Variants in NCBP3 observed in about 807,000 individuals in gnomAD.
NCBP3 encodes the protein nuclear cap-binding protein subunit 3.
Under a neutral mutation model 75.7 loss-of-function variants are expected in NCBP3, and 20 were observed. The ratio of observed to expected loss-of-function variants is 0.26; its 90% CI spans 0.19 to 0.38. NCBP3 has a LOEUF of 0.38. Ranked by LOEUF, NCBP3 falls within the 10% of genes least tolerant of loss-of-function variation. The probability of loss-of-function intolerance (pLI) is 1.00; values close to 1 mark genes in which losing one functional copy is unlikely to be tolerated. For missense variants in NCBP3, 678 were observed against 796.9 expected (o/e 0.85, Z 1.80); for synonymous variants, 293 against 290.5 (o/e 1.01, Z -0.09).
chr17:3,834,086 G>T (rs749843441), intron 3 of NCBP3, among the ~76,000 whole-genome samples: 3 of 152,134 alleles, frequency 2.0e-5, no homozygotes, highest in Non-Finnish European at 2.9e-5. Context: ...CACTAATAAG[G>T]ATTTCCTGGG....
At chr17:3,836,868 T>C (rs1339870142) in intron 3 of NCBP3, among the ~76,000 whole-genome samples, 4 of 151,924 alleles carry the variant, frequency 2.6e-5, no homozygotes, top group Admixed American at 2.6e-4. Flanking sequence ...CCTGAAAAGA[T>C]GGCCTGGCGC....
intron 7 of NCBP3, chr17:3,822,502 T>C (rs1023656817): frequency 6.5e-6 from 1 of 153,882 alleles, no homozygotes; most frequent in African/African-American, 2.4e-5. Flanking sequence ...TAATTCCATA[T>C]ATTTGGTAAA....
At chr17:3,840,592 T>C (rs2054046945) in intron 2 of NCBP3, among the ~76,000 whole-genome samples, 1 of 152,176 alleles carries the variant, frequency 6.6e-6, no homozygotes, top group Admixed American at 6.5e-5. Flanking sequence ...GGTGCAGAAA[T>C]GGAGGCACAA....
In NCBP3 at chr17:3,806,398, A is replaced by G. The variant is rs1013922123; in HGVS notation, c.*6646T>C. On this transcript the variant is annotated 3_prime_UTR_variant, in exon 13 of 13. Coordinates refer to ENST00000389005, the MANE Select transcript of NCBP3 (RefSeq NM_001114118.3). ...CCGGCCTGAGAATTCTCTTCTGTCAATGGTGTGGGCCTCTCGACCTCACTA... is the reference window on the plus strand; with the variant it reads ...CCGGCCTGAGAATTCTCTTCTGTCAGTGGTGTGGGCCTCTCGACCTCACTA... 5.9e-5 allele frequency: 9 copies of G among 152,344 alleles called. No homozygotes were observed. The highest frequency in any genetic ancestry group is 2.0e-4 in the Admixed American group (3 of 15,276). 9.4% of individuals were successfully genotyped at this position (152,344 alleles called of 1,614,324 possible). A position where few individuals can be genotyped will look rare whatever the true frequency, so the allele number is the denominator to read the frequency against.
intron 8 of NCBP3, 147 bp from the exon 9 acceptor site, chr17:3,821,499 T>C: frequency 1.6e-6 from 1 of 621,454 alleles, no homozygotes; most frequent in Non-Finnish European, 2.8e-6. Flanking sequence ...CTCAGCTCAC[T>C]GCAACCTTTG....
In NCBP3 at chr17:3,802,564, C is replaced by A. The variant is rs1203850245; in HGVS notation, c.*10480G>T. On this transcript the variant is annotated 3_prime_UTR_variant, in exon 13 of 13. Coordinates refer to ENST00000389005, the MANE Select transcript of NCBP3 (RefSeq NM_001114118.3). ...CCTGCCAGGTCATGATGAAACCATC[C>A]TACTTCTGTTGAACCTCGTCCCAGG... The A allele has an allele frequency of 2.6e-5, 4 of 152,222 alleles. No individual in the cohort carries two copies. Among genetic ancestry groups the A allele is most frequent in the Non-Finnish European group, 4.4e-5 (3 of 68,048 alleles). The allele number at this position is 152,222 out of a possible 1,614,324, so 9.4% of individuals were successfully genotyped here.
intron 5 of NCBP3, 83 bp from the exon 6 acceptor site, chr17:3,825,926 T>C: frequency 7.1e-7 from 1 of 1,417,892 alleles, no homozygotes; most frequent in Non-Finnish European, 9.7e-7. Flanking sequence ...CTCATATAAT[T>C]TTAAAAGTCC....
intron 4 of NCBP3, among the ~76,000 whole-genome samples, chr17:3,826,869 C>T (rs887824588): frequency 3.3e-5 from 5 of 151,584 alleles, no homozygotes; most frequent in Admixed American, 6.6e-5. Context: ...AAAAATTAGC[C>T]GGGCGTGGTG....
chr17:3,844,933 C>T (rs569150198), intron 1 of NCBP3, among the ~76,000 whole-genome samples: 1 of 151,288 alleles, frequency 6.6e-6, no homozygotes, highest in South Asian at 2.1e-4. Flanking sequence ...AACTCCGTCT[C>T]AAAACAAAAC....
chr17:3,808,846 G>T lies in NCBP3; in HGVS notation c.*4198C>A. 6.6e-6 allele frequency: 1 copy of T among 152,288 alleles called. No individual in the cohort carries two copies. The allele number at this position is 152,288 out of a possible 1,614,324, so 9.4% of individuals were successfully genotyped here. The stretch of plus-strand genomic sequence containing the variant: ...CTGGGCTCATGCGATCAGGAGTGTG[G>T]AATTTATTCTCGGGGCAATAGTGAA... On this transcript the variant is annotated 3_prime_UTR_variant, in exon 13 of 13. Coordinates refer to ENST00000389005, the MANE Select transcript of NCBP3 (RefSeq NM_001114118.3).
Position 3,810,912 on chromosome 17 carries a change from A to G in NCBP3, c.*2132T>C, listed in dbSNP as rs886968142. 1.3e-5 allele frequency: 2 copies of G among 152,320 alleles called. No homozygotes were observed. Among genetic ancestry groups the G allele is most frequent in the Non-Finnish European group, 2.9e-5 (2 of 68,096 alleles). The allele number at this position is 152,320 out of a possible 1,614,324, so 9.4% of individuals were successfully genotyped here. On this transcript the variant is annotated 3_prime_UTR_variant, in exon 13 of 13. Coordinates refer to ENST00000389005, the MANE Select transcript of NCBP3 (RefSeq NM_001114118.3). ...GAGCTGCTGGTGTAAAACCAAAAGG[A>G]AAGTCTGTGAAGGAGCATATTCTAA...
intron 6 of NCBP3, 86 bp downstream of exon 6, chr17:3,825,681 G>GTAACT (rs2307753): frequency 0.063 from 59,985 of 956,804 alleles, 3,995 homozygotes; most frequent in African/African-American, 0.29. Context: ...GAGAAAAAAC[G>GTAACT]TAACTAAGTC....
At chr17:3,842,486 C>T (rs181241946) in intron 2 of NCBP3, among the ~76,000 whole-genome samples, 10 of 152,274 alleles carry the variant, frequency 6.6e-5, no homozygotes, top group Admixed American at 3.9e-4. Context: ...CAAGTGGAAA[C>T]AGTACACATT....
chr17:3,816,608 G>A (rs1286145139), intron 10 of NCBP3, among the ~76,000 whole-genome samples: 2 of 152,210 alleles, frequency 1.3e-5, no homozygotes, highest in African/African-American at 2.4e-5. Context: ...ATGCTGTGAT[G>A]TGGCTGTAGT....
intron 2 of NCBP3, among the ~76,000 whole-genome samples, chr17:3,842,788 G>C (rs1214206157): frequency 1.3e-5 from 2 of 152,096 alleles, no homozygotes; most frequent in Non-Finnish European, 2.9e-5. Flanking sequence ...TGGGACTACA[G>C]ACCTGTGCTA....
At chr17:3,825,969 C>T in intron 5 of NCBP3, 118 bp downstream of exon 5, 1 of 1,423,362 alleles carries the variant, frequency 7.0e-7, no homozygotes, top group Non-Finnish European at 9.6e-7. Context: ...TGATCTCAAG[C>T]ATCATAGATT....
At chr17:3,842,736 C>G (rs1471945829) in intron 2 of NCBP3, among the ~76,000 whole-genome samples, 2 of 152,164 alleles carry the variant, frequency 1.3e-5, no homozygotes, top group East Asian at 1.9e-4. Flanking sequence ...GCCTCAACCT[C>G]TCAGGCTCCA....
intron 3 of NCBP3, among the ~76,000 whole-genome samples, chr17:3,838,398 C>G (rs190678892): frequency 6.6e-6 from 1 of 152,218 alleles, no homozygotes; most frequent in African/African-American, 2.4e-5. Flanking sequence ...TGCTTGCGCC[C>G]GGCTGTGCAG....
At chr17:3,814,552 C>G (rs2053493034) in intron 11 of NCBP3, 69 bp from the exon 12 acceptor site, 2 of 1,542,148 alleles carry the variant, frequency 1.3e-6, no homozygotes, top group South Asian at 2.4e-5. Context: ...CCGCCTGACA[C>G]CTCTAACGGA....
Sources: gnomAD v4.1 joint callset for allele counts (sites outside exome capture counted in the v4.1 genomes callset) on GRCh38, gnomAD v4.1.1 for gene constraint, MANE v1.5 for transcripts, NCBI Gene and HGNC (gene_info 2026-07-23, HGNC 2026-07-21) for gene names.